HSD3B2: variants seen among roughly 807,000 people sequenced by gnomAD.
HSD3B2 encodes the protein 3 beta-hydroxysteroid dehydrogenase/Delta 5-->4-isomerase type 2.
Under a neutral mutation model 9.9 loss-of-function variants are expected in HSD3B2, and 8 were observed. That is an observed-to-expected ratio of 0.81 (90% confidence interval 0.47 to 1.46). The LOEUF is 1.46. Among genes scored for constraint, HSD3B2 ranks in the 40% most tolerant of loss-of-function variants. The pLI is 0.00. For synonymous variants in HSD3B2, 221 were observed against 184.5 expected, an observed-to-expected ratio of 1.20 and a Z score of -1.60; for missense variants, 410 against 448.3, an observed-to-expected ratio of 0.91 and a Z score of 0.77.
At chr1:119,419,734 T>A (rs756715929) in intron 3 of HSD3B2, 152 bp downstream of exon 3, 9 of 759,060 alleles carry the variant, frequency 1.2e-5, no homozygotes, top group Non-Finnish European at 2.0e-5. Flanking sequence ...AGTTCAAGGC[T>A]GGTAACCTCA....
chr1:119,422,632 C>T lies in HSD3B2; in HGVS notation c.*12C>T. 1 of 1,613,244 alleles carries T rather than the reference C, an allele frequency of 6.2e-7. No homozygotes were observed. Among genetic ancestry groups the T allele is most frequent in the South Asian group, 1.1e-5 (1 of 91,034 alleles). ...CCAAGACTCAGTGATTTAAGGATGA[C>T]AGAGATGTGCATGTGGGTATTGTTA... is the stretch of plus-strand genomic sequence containing the variant. On this transcript the variant is annotated 3_prime_UTR_variant, in exon 4 of 4. Coordinates refer to ENST00000369416, the MANE Select transcript of HSD3B2 (RefSeq NM_000198.4).
chr1:119,422,390 C>T lies in HSD3B2; in HGVS notation c.889C>T (p.Leu297=). The change falls in exon 4 of 4, where the codon CTG becomes TTG. Residue 297 remains leucine (L), a synonymous_variant. Coordinates refer to ENST00000369416, the MANE Select transcript of HSD3B2 (RefSeq NM_000198.4). ...CCTGATGTACTGGATTGGCTTCCTG[C>T]TGGAAGTAGTGAGCTTCCTACTCAG... The part of the protein sequence containing the change: ...LTLMYWIGFL[L]EVVSFLLSPI... 6.2e-7 allele frequency: 1 copy of T among 1,614,156 alleles called. No homozygotes were observed. Among genetic ancestry groups the T allele is most frequent in the South Asian group, 1.1e-5 (1 of 91,078 alleles).
At position 119,421,789 on chromosome 1, in the gene HSD3B2, A is replaced by G. The variant is rs1324345816; in HGVS notation, c.308-20A>G. On this transcript the variant is annotated intron_variant, in intron 3 of 3. Transcript: ENST00000369416. ...CTTTGGGATATTTCCTGACACTGTC[A>G]TCATGCTCTTCGTGGGCAGGTACCC... The G allele has an allele frequency of 6.2e-7, 1 of 1,613,440 alleles. No individual in the cohort carries two copies. Among genetic ancestry groups the G allele is most frequent in the Non-Finnish European group, 8.5e-7 (1 of 1,179,616 alleles).
chr1:119,419,297 A>G (rs899593051), intron 2 of HSD3B2, 121 bp from the exon 3 acceptor site: 1 of 870,980 alleles, frequency 1.1e-6, no homozygotes, highest in Admixed American at 1.9e-5. Flanking sequence ...AATGTAGTAC[A>G]CCCTCCACTC....
At chr1:119,419,777 C>G in intron 3 of HSD3B2, 195 bp downstream of exon 3, 1 of 617,530 alleles carries the variant, frequency 1.6e-6, no homozygotes, top group South Asian at 1.9e-5. Flanking sequence ...GGCTGAGAGA[C>G]AGCAAGTAAC....
chr1:119,414,992 C>T (rs1048214717), upstream of HSD3B2: 2 of 219,080 alleles, frequency 9.1e-6, no homozygotes, highest in African/African-American at 4.6e-5. Flanking sequence ...TCTTCCTGTT[C>T]CTGGGAAGAA....
intron 2 of HSD3B2, among the ~76,000 whole-genome samples, chr1:119,418,997 G>A (rs1361781546): frequency 3.9e-5 from 6 of 152,006 alleles, no homozygotes. Flanking sequence ...TCTTTGACAT[G>A]GTGCTGGAGA....
intron 3 of HSD3B2, among the ~76,000 whole-genome samples, chr1:119,421,417 G>GTATA (rs200307081): frequency 1.0e-4 from 9 of 90,334 alleles, no homozygotes; most frequent in African/African-American, 2.7e-4. Context: ...ATATATATAT[G>GTATA]TATATATATG....
intron 3 of HSD3B2, among the ~76,000 whole-genome samples, chr1:119,421,405 ATATATATATATG>A (rs1454177996): frequency 0.14 from 8,398 of 59,432 alleles, 481 homozygotes; most frequent in Admixed American, 0.25. Context: ...ATATATATGT[ATATATATATATG>A]TATATATATG....
intron 3 of HSD3B2, among the ~76,000 whole-genome samples, chr1:119,421,375 G>GTGTATATATATATATATGTATATATATA (rs1651850650): frequency 7.4e-6 from 1 of 135,226 alleles, no homozygotes; most frequent in Non-Finnish European, 1.5e-5. Flanking sequence ...TAAAGTGTGT[G>GTGTATATATATATATATGTATATATATA]TGTATATATA....
chr1:119,421,417 GTATATATATGTATA>G (rs1209839470), intron 3 of HSD3B2, among the ~76,000 whole-genome samples: 2 of 90,334 alleles, frequency 2.2e-5, no homozygotes, highest in Admixed American at 1.1e-4. Flanking sequence ...ATATATATAT[GTATATATATGTATA>G]TATATATATG....
chr1:119,415,698 G>T (rs587629644), intron 2 of HSD3B2, 137 bp downstream of exon 2: 1 of 942,570 alleles, frequency 1.1e-6, no homozygotes, highest in East Asian at 2.5e-5. Flanking sequence ...CATCAGAAAG[G>T]AAATAGAATA....
chr1:119,419,875 T>G, intron 3 of HSD3B2: 1 of 404,054 alleles, frequency 2.5e-6, no homozygotes, highest in South Asian at 2.3e-5. Context: ...GTGGAAGCTC[T>G]TTCTACTGTG....
In HSD3B2 at chr1:119,422,278, G is replaced by A. The variant is rs33926546; in HGVS notation, c.777G>A (p.Thr259=). Residue 259 remains threonine (T), a synonymous_variant, in exon 4 of 4, where the codon ACG becomes ACA. Coordinates refer to ENST00000369416, the MANE Select transcript of HSD3B2 (RefSeq NM_000198.4). ...AATTCTATTACATCTCAGATGACAC[G>A]CCTCACCAAAGCTATGATAACCTTA... is the stretch of plus-strand genomic sequence containing the variant. ...RGQFYYISDD[T]PHQSYDNLNY... is the part of the protein sequence containing the mutation. 3.8e-3 allele frequency: 6,098 copies of A among 1,614,040 alleles called. 175 individuals are homozygous for A. In the African/African-American group the frequency reaches 0.065, roughly 17 times the overall value.
chr1:119,415,288 A>G, intron 1 of HSD3B2, 43 bp from the exon 2 acceptor site: 1 of 890,606 alleles, frequency 1.1e-6, no homozygotes, highest in Non-Finnish European at 1.8e-6. Flanking sequence ...GAGGAAAATA[A>G]GGCATCTGCT....
In HSD3B2 at chr1:119,415,440, G is replaced by T. The variant is rs751834454; in HGVS notation, c.21G>T (p.Val7=). The change falls in exon 2 of 4, where the codon GTG becomes GTT. Residue 7 remains valine (V), a synonymous_variant. Transcript: ENST00000369416. MGWSCL[V]TGAGGLLGQR... Reference sequence around the variant, plus strand: ...CCACGATGGGCTGGAGCTGCCTTGTGACAGGAGCAGGAGGGCTTCTGGGTC... The same window carrying T: ...CCACGATGGGCTGGAGCTGCCTTGTTACAGGAGCAGGAGGGCTTCTGGGTC... 1.9e-6 allele frequency: 3 copies of T among 1,614,026 alleles called. No individual in the cohort carries two copies. Among genetic ancestry groups the T allele is most frequent in the South Asian group, 2.2e-5 (2 of 91,066 alleles).
rs1298077988 is a variant in HSD3B2, at chr1:119,422,578, T to A, written c.1077T>A (p.Leu359=). 1 of 1,613,932 alleles carries A rather than the reference T, an allele frequency of 6.2e-7. No individual in the cohort carries two copies. The highest frequency in any genetic ancestry group is 1.3e-5 in the African/African-American group (1 of 74,914). ...AAACCGTGGAGTGGGTTGGTTCCCT[T>A]GTGGACCGGCACAAGGAGACCCTGA... ...KQKTVEWVGS[L]VDRHKETLKS... Residue 359 remains leucine, a synonymous_variant, in exon 4 of 4, where the codon CTT becomes CTA. Coordinates refer to ENST00000369416, the MANE Select transcript of HSD3B2 (RefSeq NM_000198.4).
chr1:119,421,004 G>T (rs1303187762), intron 3 of HSD3B2, among the ~76,000 whole-genome samples: 1 of 152,186 alleles, frequency 6.6e-6, no homozygotes, highest in African/African-American at 2.4e-5. Context: ...AATCAGGAAA[G>T]GAGTGTGGGT....
In HSD3B2 at chr1:119,419,518, C is replaced by T. The variant is rs753645202; in HGVS notation, c.243C>T (p.Thr81=). ...AGGACGTCTCGGTCGTCATCCACAC[C>T]GCCTGTATCATTGATGTCTTTGGTG... ...ACQDVSVVIH[T]ACIIDVFGVT... is the part of the protein sequence containing the mutation. The change falls in exon 3 of 4, where the codon ACC becomes ACT. Residue 81 remains threonine, a synonymous_variant. Transcript: ENST00000369416. The T allele has an allele frequency of 2.9e-5, 47 of 1,613,604 alleles. No homozygotes were observed. Among genetic ancestry groups the T allele is most frequent in the Non-Finnish European group, 3.6e-5 (42 of 1,179,746 alleles).
Sources: allele counts gnomAD v4.1 joint callset (sites outside exome capture counted in the v4.1 genomes callset), GRCh38; gene constraint gnomAD v4.1.1; transcripts MANE v1.5; gene names NCBI Gene and HGNC (gene_info 2026-07-23, HGNC 2026-07-21).